COL26A1: variants seen among roughly 807,000 people sequenced by gnomAD.
The protein encoded by COL26A1 is collagen alpha-1(XXVI) chain.
A neutral mutation model predicts 59.3 loss-of-function variants in COL26A1; 41 were observed. The observed-to-expected ratio is 0.69, with a 90% CI of 0.54 to 0.90. The LOEUF is 0.90. COL26A1 is among the 40% of genes least tolerant of loss of function. The probability of loss-of-function intolerance (pLI) is 0.00; values close to 1 mark genes in which losing one functional copy is unlikely to be tolerated. For missense variants in COL26A1, 612 were observed against 602.3 expected, an observed-to-expected ratio of 1.02 and a Z score of -0.17; for synonymous variants, 266 against 256.0, an observed-to-expected ratio of 1.04 and a Z score of -0.37.
chr7:101,428,823 C>T (rs1449405218), intron 2 of COL26A1, among the ~76,000 whole-genome samples: 1 of 152,052 alleles, frequency 6.6e-6, no homozygotes, highest in Non-Finnish European at 1.5e-5. Flanking sequence ...ATAATTTTAT[C>T]CCATTCCCTG....
At chr7:101,446,281 C>T (rs1793193382) in intron 2 of COL26A1, among the ~76,000 whole-genome samples, 1 of 152,134 alleles carries the variant, frequency 6.6e-6, no homozygotes, top group African/African-American at 2.4e-5. Context: ...CAAACCCTAT[C>T]ACATACATTG....
chr7:101,528,903 C>T (rs903963610), intron 3 of COL26A1, among the ~76,000 whole-genome samples: 1 of 152,124 alleles, frequency 6.6e-6, no homozygotes, highest in Non-Finnish European at 1.5e-5. Context: ...CTGTGGCTCA[C>T]GCCTGTCATC....
At position 101,362,917 on chromosome 7, in the gene COL26A1, C is replaced by T. The variant is rs535435024; in HGVS notation, c.-116C>T. On this transcript the variant is annotated 5_prime_UTR_variant, in exon 1 of 13. Coordinates refer to ENST00000313669, the MANE Select transcript of COL26A1 (RefSeq NM_001278563.3). ...AGCTCGCACCCGGGCTCCGACCGCT[C>T]GCCCCGCTCCTCTCGCTGTGCTCCC... 1.0e-3 allele frequency: 1,135 copies of T among 1,111,740 alleles called. 8 individuals carry two copies. In the African/African-American group the frequency reaches 0.017, roughly 17 times the overall value. The allele number at this position is 1,111,740 out of a possible 1,614,324, so 68.9% of individuals were successfully genotyped here. A position where few individuals can be genotyped will look rare whatever the true frequency, so the allele number is the denominator to read the frequency against.
intron 1 of COL26A1, among the ~76,000 whole-genome samples, chr7:101,392,563 G>T (rs1189077757): frequency 6.6e-6 from 1 of 151,832 alleles, no homozygotes; most frequent in Non-Finnish European, 1.5e-5. Context: ...CACCATACCT[G>T]GCTAATTTTT....
intron 3 of COL26A1, among the ~76,000 whole-genome samples, chr7:101,502,291 G>A (rs1172113491): frequency 2.0e-5 from 3 of 152,142 alleles, no homozygotes; most frequent in Non-Finnish European, 2.9e-5. Flanking sequence ...GCAGTGAGCC[G>A]AGATCGCACC....
intron 2 of COL26A1, among the ~76,000 whole-genome samples, chr7:101,427,026 T>G (rs920266897): frequency 6.6e-6 from 1 of 152,164 alleles, no homozygotes; most frequent in Non-Finnish European, 1.5e-5. Context: ...TGCAAATGTG[T>G]GTATTTCTTG....
intron 3 of COL26A1, among the ~76,000 whole-genome samples, chr7:101,450,087 G>A (rs1288283395): frequency 6.8e-6 from 1 of 146,154 alleles, no homozygotes; most frequent in Non-Finnish European, 1.5e-5. Context: ...TTGTGCCTCT[G>A]TACTCCAGCC....
intron 3 of COL26A1, among the ~76,000 whole-genome samples, chr7:101,471,566 TGTTTG>T (rs1793901382): frequency 3.5e-5 from 5 of 142,468 alleles, no homozygotes; most frequent in African/African-American, 1.4e-4. Flanking sequence ...TTGTTGTTGT[TGTTTG>T]TTTTTTTTTT....
intron 1 of COL26A1, among the ~76,000 whole-genome samples, chr7:101,373,346 C>G (rs1367666406): frequency 6.6e-6 from 1 of 152,212 alleles, no homozygotes; most frequent in East Asian, 1.9e-4. Context: ...CAGAACATTG[C>G]AAATTTTTTG....
intron 1 of COL26A1, among the ~76,000 whole-genome samples, chr7:101,395,273 C>T (rs769294304): frequency 6.6e-6 from 1 of 152,122 alleles, no homozygotes; most frequent in Non-Finnish European, 1.5e-5. Flanking sequence ...GAATTCTAAC[C>T]GAAAGCCTGG....
chr7:101,440,414 C>A (rs1398758504), intron 2 of COL26A1, among the ~76,000 whole-genome samples: 1 of 152,134 alleles, frequency 6.6e-6, no homozygotes, highest in Non-Finnish European at 1.5e-5. Context: ...TGGACCCTAG[C>A]GGCAGGGGCT....
At chr7:101,509,239 G>A (rs1794872461) in intron 3 of COL26A1, among the ~76,000 whole-genome samples, 1 of 152,074 alleles carries the variant, frequency 6.6e-6, no homozygotes, top group African/African-American at 2.4e-5. Flanking sequence ...GAGGTCAGGA[G>A]TTTGAGACCA....
intron 3 of COL26A1, among the ~76,000 whole-genome samples, chr7:101,488,444 C>G (rs933263628): frequency 6.8e-6 from 1 of 146,268 alleles, no homozygotes; most frequent in South Asian, 2.3e-4. Flanking sequence ...GGCGCAATCT[C>G]AGCTCACTGC....
At chr7:101,555,037 A>T (rs1481431201) in intron 11 of COL26A1, among the ~76,000 whole-genome samples, 1 of 152,182 alleles carries the variant, frequency 6.6e-6, no homozygotes, top group African/African-American at 2.4e-5. Flanking sequence ...TACACCAGCA[A>T]AAGGCACCCA....
intron 2 of COL26A1, among the ~76,000 whole-genome samples, chr7:101,427,883 T>C (rs1792684389): frequency 6.6e-6 from 1 of 152,100 alleles, no homozygotes; most frequent in Admixed American, 6.6e-5. Flanking sequence ...CTTTCATTTG[T>C]GTTGGCTTAA....
chr7:101,548,390 A>T (rs1174162948), intron 8 of COL26A1, among the ~76,000 whole-genome samples: 1 of 152,178 alleles, frequency 6.6e-6, no homozygotes, highest in Non-Finnish European at 1.5e-5. Context: ...GGGCACACAC[A>T]TGAGACCCAG....
chr7:101,409,265 A>G (rs1792192334), intron 1 of COL26A1, among the ~76,000 whole-genome samples: 2 of 152,090 alleles, frequency 1.3e-5, no homozygotes, highest in South Asian at 2.1e-4. Context: ...TCCTTGAGGG[A>G]TATGGGTAAG....
chr7:101,479,541 A>AT lies in COL26A1; in HGVS notation c.385+31758dup, dbSNP rs1159087791. ...TTCCTTTTCTTTGGTTGATTATAGTATTTTGTCATTATATTTGGAATTCTG... is the reference window on the plus strand; with the variant it reads ...TTCCTTTTCTTTGGTTGATTATAGTATTTTTGTCATTATATTTGGAATTCTG... On this transcript the variant is annotated intron_variant, in intron 3 of 12. Coordinates refer to ENST00000313669, the MANE Select transcript of COL26A1 (RefSeq NM_001278563.3). Among the ~76,000 whole-genome samples the AT allele has an allele frequency of 6.6e-5, 10 of 152,188 alleles. No homozygotes were observed. In the East Asian group the frequency reaches 1.9e-3, roughly 29 times the overall value.
intron 3 of COL26A1, among the ~76,000 whole-genome samples, chr7:101,456,193 T>A (rs1200250519): frequency 6.7e-6 from 1 of 149,500 alleles, no homozygotes; most frequent in Non-Finnish European, 1.5e-5. Flanking sequence ...GAGATAAAAT[T>A]TACACATACT....
Sources: gnomAD v4.1 joint callset for allele counts (sites outside exome capture counted in the v4.1 genomes callset) on GRCh38, gnomAD v4.1.1 for gene constraint, MANE v1.5 for transcripts, NCBI Gene and HGNC (gene_info 2026-07-23, HGNC 2026-07-21) for gene names.